The following ATXN2 variants were observed in gnomAD, a reference collection of about 807,000 sequenced individuals.
The protein encoded by ATXN2 is ataxin-2.
A neutral mutation model predicts 138.6 loss-of-function variants in ATXN2; 37 were observed. The ratio of observed to expected loss-of-function variants is 0.27; its 90% CI spans 0.21 to 0.35. ATXN2 has a LOEUF of 0.35. Ranked by LOEUF, ATXN2 falls within the 10% of genes least tolerant of loss-of-function variation. The pLI, the probability that ATXN2 is intolerant of heterozygous loss-of-function variation, is 1.00. For synonymous variants in ATXN2, 549 were observed against 543.7 expected (o/e 1.01, Z -0.13); for missense variants, 1,216 against 1,480.3 (o/e 0.82, Z 2.93).
chr12:111,595,673 C>T (rs1884903132), intron 1 of ATXN2, among the ~76,000 whole-genome samples: 1 of 149,342 alleles, frequency 6.7e-6, no homozygotes, highest in African/African-American at 2.5e-5. Flanking sequence ...ATTTACAATA[C>T]AACGTTCAGG....
In ATXN2 at chr12:111,536,400, C is replaced by T. The variant is rs535345758; in HGVS notation, c.572-11084G>A. 7.2e-5 allele frequency among the ~76,000 whole-genome samples: 11 copies of T among 152,200 alleles called. No individual in the cohort carries two copies. The South Asian group carries it at 1.7e-3, about 23-fold the overall frequency. On this transcript the variant is annotated intron_variant, in intron 5 of 24. Coordinates refer to ENST00000673436, the MANE Select transcript of ATXN2 (RefSeq NM_001372574.1). ...AAAAAAAATCTACAGTGAGATACTA[C>T]TTCTTACTCTCCCACTAGGATGGGT...
intron 1 of ATXN2, among the ~76,000 whole-genome samples, chr12:111,561,893 C>T (rs1160429583): frequency 6.6e-6 from 1 of 151,856 alleles, no homozygotes; most frequent in Non-Finnish European, 1.5e-5. Context: ...CTCACTGCAA[C>T]CTCCACCTCC....
At chr12:111,501,769 T>C (rs972094143) in intron 14 of ATXN2, among the ~76,000 whole-genome samples, 1 of 152,220 alleles carries the variant, frequency 6.6e-6, no homozygotes, top group Non-Finnish European at 1.5e-5. Flanking sequence ...CAACTATATA[T>C]ATTGCCAAGG....
At chr12:111,463,219 G>C (rs1183355794) in intron 21 of ATXN2, among the ~76,000 whole-genome samples, 1 of 152,090 alleles carries the variant, frequency 6.6e-6, no homozygotes. Context: ...CAATATTAAT[G>C]GCACAAATTT....
intron 5 of ATXN2, among the ~76,000 whole-genome samples, chr12:111,529,816 AC>A (rs981460811): frequency 1.3e-5 from 2 of 152,250 alleles, no homozygotes; most frequent in African/African-American, 4.8e-5. Context: ...TGGTCAAATA[AC>A]TAAAATGGTA....
chr12:111,515,713 C>T (rs1368474039), intron 10 of ATXN2, among the ~76,000 whole-genome samples: 1 of 152,166 alleles, frequency 6.6e-6, no homozygotes, highest in Non-Finnish European at 1.5e-5. Context: ...TGGGCTGTCG[C>T]TCTCAAAAAA....
rs776175107 is a variant in ATXN2 at position 111,457,205 on chromosome 12, T to C, written c.3042+9A>G. 3.1e-6 allele frequency: 5 copies of C among 1,608,930 alleles called. No homozygotes were observed. The highest frequency in any genetic ancestry group is 4.2e-6 in the Non-Finnish European group (5 of 1,178,030). On this transcript the variant is annotated intron_variant, in intron 22 of 24. Transcript: ENST00000673436. Reference sequence around the variant, plus strand: ...AGCCACTCCATGCAGACCTCTGAGTTGCCCTTACCTGAACAGGACTGGGTG... The same window carrying C: ...AGCCACTCCATGCAGACCTCTGAGTCGCCCTTACCTGAACAGGACTGGGTG...
intron 1 of ATXN2, among the ~76,000 whole-genome samples, chr12:111,577,974 T>C (rs934466454): frequency 6.6e-6 from 1 of 151,742 alleles, no homozygotes; most frequent in African/African-American, 2.4e-5. Context: ...GGCGGGTGGA[T>C]CACCTGAGGT....
At chr12:111,597,863 A>G (rs2135860577) in intron 1 of ATXN2, 1 of 1,288,630 alleles carries the variant, frequency 7.8e-7, no homozygotes, top group Admixed American at 2.3e-5. Context: ...CCCTGCCACC[A>G]GCACCGCCAC....
At chr12:111,555,802 T>A in intron 2 of ATXN2, 81 bp downstream of exon 2, 1 of 1,181,950 alleles carries the variant, frequency 8.5e-7, no homozygotes, top group Non-Finnish European at 1.2e-6. Context: ...AGGGAATCTT[T>A]TGCCTTGGCA....
intron 5 of ATXN2, among the ~76,000 whole-genome samples, chr12:111,545,215 T>C (rs890582835): frequency 2.0e-5 from 3 of 151,588 alleles, no homozygotes; most frequent in Admixed American, 6.6e-5. Context: ...AGGAAGTGAA[T>C]AGGTTTTCAT....
chr12:111,510,493 G>C lies in ATXN2; in HGVS notation c.1648C>G (p.Pro550Ala). 1 of 1,614,182 alleles carries C rather than the reference G, an allele frequency of 6.2e-7. No individual in the cohort carries two copies. Residue 550 changes from proline to alanine, a missense_variant, in exon 12 of 25, where the codon CCC becomes GCC. By Grantham distance (27) the Pro-to-Ala change is conservative. Around this residue, in one of 4 missense-constraint regions of ATXN2, gnomAD observed 215 missense variants for 210.0 expected, o/e 1.02. Transcript: ENST00000673436. ...NTPSGPVLASPQAGIIPTEAV... is the reference protein window; with the variant it reads ...NTPSGPVLASAQAGIIPTEAV... Reference sequence around the variant, plus strand: ...TCAGTTGGAATAATACCAGCTTGGGGAGAAGCAAGAACTGGCCCACTGGGG... The same window carrying C: ...TCAGTTGGAATAATACCAGCTTGGGCAGAAGCAAGAACTGGCCCACTGGGG...
At chr12:111,532,594 T>G (rs967339282) in intron 5 of ATXN2, among the ~76,000 whole-genome samples, 1 of 152,348 alleles carries the variant, frequency 6.6e-6, no homozygotes, top group South Asian at 2.1e-4. Context: ...ACTAGTTGTT[T>G]GTTGCCCATA....
At chr12:111,483,173 C>CA (rs1877370113) in intron 18 of ATXN2, among the ~76,000 whole-genome samples, 1 of 137,944 alleles carries the variant, frequency 7.2e-6, no homozygotes, top group African/African-American at 2.8e-5. Context: ...AGCAGCAAAG[C>CA]AAGACCCTGT....
Position 111,598,264 on chromosome 12 carries a change from C to T in ATXN2, c.251+520G>A, listed in dbSNP as rs921052687. ...AGACCCTGATGATTCCGGAGGAGCC[C>T]GGTGCCTACCCCTTTAACCGGCACG... On this transcript the variant is annotated intron_variant, in intron 1 of 24. Transcript: ENST00000673436. This position sits in a 1 kb window ranked among gnomAD's most constrained non-coding sequence, Gnocchi z 4.5. 1 of 1,019,940 alleles carries T rather than the reference C, an allele frequency of 9.8e-7. No individual in the cohort carries two copies. The highest frequency in any genetic ancestry group is 1.2e-6 in the Non-Finnish European group (1 of 850,132). The allele number at this position is 1,019,940 out of a possible 1,614,324, so 63.2% of individuals were successfully genotyped here. A position where few individuals can be genotyped will look rare whatever the true frequency, so the allele number is the denominator to read the frequency against.
At chr12:111,481,429 C>A (rs1432837124) in intron 18 of ATXN2, among the ~76,000 whole-genome samples, 1 of 151,978 alleles carries the variant, frequency 6.6e-6, no homozygotes, top group African/African-American at 2.4e-5. Context: ...TGGGCACGAT[C>A]TCAAAACAAT....
intron 2 of ATXN2, 107 bp downstream of exon 2, chr12:111,555,776 G>T: frequency 1.1e-6 from 1 of 931,414 alleles, no homozygotes; most frequent in Non-Finnish European, 1.6e-6. Context: ...AGTTATCTAT[G>T]ACAAAATTCA....
intron 1 of ATXN2, among the ~76,000 whole-genome samples, chr12:111,576,107 TAA>T (rs1166146693): frequency 1.5e-5 from 2 of 135,144 alleles, no homozygotes; most frequent in Non-Finnish European, 3.0e-5. Context: ...TAACATAACA[TAA>T]CATAACATAA....
chr12:111,523,790 T>G (rs1880325623), intron 6 of ATXN2, among the ~76,000 whole-genome samples: 1 of 150,852 alleles, frequency 6.6e-6, no homozygotes, highest in African/African-American at 2.4e-5. Flanking sequence ...TGGTCAGGCA[T>G]GATGGCTCAC....
Sources: allele counts gnomAD v4.1 joint callset (sites outside exome capture counted in the v4.1 genomes callset), GRCh38; gene constraint gnomAD v4.1.1; regional missense constraint gnomAD v4.1.1; non-coding constraint Gnocchi (gnomAD v3.1); transcripts MANE v1.5; gene names NCBI Gene and HGNC (gene_info 2026-07-23, HGNC 2026-07-21).